The following ADK variants were observed in gnomAD, a reference collection of about 807,000 sequenced individuals.
The protein encoded by ADK is adenosine kinase, also known as N6,N6-dimethyladenosine kinase.
Under a neutral mutation model 44.7 loss-of-function variants are expected in ADK, and 24 were observed. That is an observed-to-expected ratio of 0.54 (90% CI 0.39 to 0.76). ADK has a LOEUF of 0.76. Among genes scored for constraint, ADK ranks in the 30% least tolerant of loss-of-function variants. ADK has a pLI of 0.00. For missense variants in ADK, 321 were observed against 425.1 expected (o/e 0.76, Z 2.15); for synonymous variants, 128 against 142.6 (o/e 0.90, Z 0.73).
At chr10:74,375,033 G>A (rs1003708802) in intron 4 of ADK, among the ~76,000 whole-genome samples, 1 of 152,054 alleles carries the variant, frequency 6.6e-6, no homozygotes, top group African/African-American at 2.4e-5. Context: ...TATAATAAGA[G>A]TCTCTTGGAT....
At chr10:74,409,324 G>T (rs1347978860) in intron 6 of ADK, among the ~76,000 whole-genome samples, 1 of 152,006 alleles carries the variant, frequency 6.6e-6, no homozygotes, top group African/African-American at 2.4e-5. Flanking sequence ...TAAACTTTAG[G>T]TATTAAAAAG....
intron 9 of ADK, among the ~76,000 whole-genome samples, chr10:74,646,998 G>A (rs1854075236): frequency 6.6e-6 from 1 of 151,758 alleles, no homozygotes; most frequent in African/African-American, 2.4e-5. Flanking sequence ...TTAATTTGTG[G>A]TTAGAGTCTC....
chr10:74,695,277 T>C (rs1856134930), intron 10 of ADK, among the ~76,000 whole-genome samples: 2 of 152,204 alleles, frequency 1.3e-5, no homozygotes, highest in Non-Finnish European at 2.9e-5. Context: ...CCAAAAACAT[T>C]GTTGAGACTG....
intron 3 of ADK, among the ~76,000 whole-genome samples, chr10:74,285,915 T>G (rs1199793277): frequency 6.6e-6 from 1 of 152,196 alleles, no homozygotes; most frequent in African/African-American, 2.4e-5. Context: ...GTACTATGTA[T>G]TATTGTTAAT....
chr10:74,516,554 C>T (rs536943673), intron 6 of ADK, among the ~76,000 whole-genome samples: 19 of 149,540 alleles, frequency 1.3e-4, no homozygotes, highest in Non-Finnish European at 1.9e-4. Flanking sequence ...GATGGAGTCG[C>T]GCCCTGTTGC....
At position 74,280,415 on chromosome 10, in the gene ADK, A is replaced by AACACACACACACACACACACACACAC. The variant is rs71021599; in HGVS notation, c.195-34245_195-34220dup. Among the ~76,000 whole-genome samples, 1,310 of 144,348 alleles carry AACACACACACACACACACACACACAC rather than the reference A, an allele frequency of 9.1e-3. 14 individuals carry two copies. The highest frequency in any genetic ancestry group is 0.011 in the Admixed American group (164 of 14,300). 94.7% of individuals were successfully genotyped at this position (144,348 alleles called of 152,430 possible). ...CCGCGCCCGGCCTTAAACAAGTTTAAACACACACACACACACACACACACA... is the reference window on the plus strand; with the variant it reads ...CCGCGCCCGGCCTTAAACAAGTTTAAACACACACACACACACACACACACACACACACACACACACACACACACACA... On this transcript the variant is annotated intron_variant, in intron 3 of 10. Transcript: ENST00000539909.
intron 2 of ADK, among the ~76,000 whole-genome samples, chr10:74,223,815 A>T (rs1844418795): frequency 6.6e-6 from 1 of 152,164 alleles, no homozygotes; most frequent in Non-Finnish European, 1.5e-5. Flanking sequence ...GAGGCCGGGT[A>T]CGGTGACTCA....
At chr10:74,639,246 G>A in intron 9 of ADK, among the ~76,000 whole-genome samples, 1 of 152,190 alleles carries the variant, frequency 6.6e-6, no homozygotes, top group South Asian at 2.1e-4. Flanking sequence ...TTGATACTTA[G>A]GGTGTAGTCA....
Position 74,665,272 on chromosome 10 carries a change from T to C in ADK, c.878-4911T>C, listed in dbSNP as rs183442251. 2.6e-3 allele frequency among the ~76,000 whole-genome samples: 403 copies of C among 152,354 alleles called. 1 individual carries two copies. The highest frequency in any genetic ancestry group is 5.1e-3 in the Non-Finnish European group (349 of 68,028). Reference sequence around the variant, plus strand: ...AACAAACAAAAACATTTTAATACTATGGATATTACCTTATTATAAGCAATG... The same window carrying C: ...AACAAACAAAAACATTTTAATACTACGGATATTACCTTATTATAAGCAATG... On this transcript the variant is annotated intron_variant, in intron 9 of 10. Transcript: ENST00000539909.
intron 7 of ADK, among the ~76,000 whole-genome samples, chr10:74,525,962 T>A (rs921042111): frequency 8.5e-5 from 13 of 152,062 alleles, no homozygotes; most frequent in African/African-American, 2.9e-4. Context: ...GCCCAACATT[T>A]ATTTTTTTAA....
intron 1 of ADK, among the ~76,000 whole-genome samples, chr10:74,170,534 C>T (rs913943515): frequency 1.3e-5 from 2 of 151,970 alleles, no homozygotes; most frequent in Admixed American, 1.3e-4. Context: ...CACGGTGGCT[C>T]ACGCCTGTAA....
Position 74,697,933 on chromosome 10 carries a change from C to G in ADK, c.965-10388C>G, listed in dbSNP as rs773865914. On this transcript the variant is annotated intron_variant, in intron 10 of 10. Transcript: ENST00000539909. ...ATGTTTCAGGTCTCATGTCAAATAC[C>G]AGATACAATTTGTCAATTTATTGAT... Among the ~76,000 whole-genome samples, 270 of 152,120 alleles carry G rather than the reference C, an allele frequency of 1.8e-3. 3 individuals are homozygous for G. Among genetic ancestry groups the G allele is most frequent in the Non-Finnish European group, 4.1e-4 (28 of 68,030 alleles).
chr10:74,564,010 A>G (rs945514811), intron 7 of ADK, among the ~76,000 whole-genome samples: 42 of 152,070 alleles, frequency 2.8e-4, no homozygotes, highest in Non-Finnish European at 5.3e-4. Flanking sequence ...GTCATCTAGC[A>G]TTAGGTATAT....
chr10:74,533,555 G>C (rs1436364646), intron 7 of ADK, among the ~76,000 whole-genome samples: 1 of 152,132 alleles, frequency 6.6e-6, no homozygotes, highest in African/African-American at 2.4e-5. Context: ...AGTCGTTCTG[G>C]AGCAATTAAA....
intron 6 of ADK, among the ~76,000 whole-genome samples, chr10:74,410,053 A>T (rs1022550735): frequency 6.6e-6 from 1 of 152,158 alleles, no homozygotes; most frequent in Non-Finnish European, 1.5e-5. Flanking sequence ...CTAAGAAATC[A>T]TATGTTTGAA....
At chr10:74,198,912 A>G (rs1407921766) in intron 1 of ADK, among the ~76,000 whole-genome samples, 1 of 152,246 alleles carries the variant, frequency 6.6e-6, no homozygotes, top group Non-Finnish European at 1.5e-5. Context: ...TATATATAAC[A>G]TACAAGTATA....
chr10:74,676,666 C>T (rs1855405289), intron 10 of ADK, among the ~76,000 whole-genome samples: 1 of 152,090 alleles, frequency 6.6e-6, no homozygotes, highest in Non-Finnish European at 1.5e-5. Context: ...ACTCTGTTAC[C>T]CAGTCTGGTC....
chr10:74,307,537 A>G (rs1840299202), intron 3 of ADK, among the ~76,000 whole-genome samples: 1 of 152,142 alleles, frequency 6.6e-6, no homozygotes, highest in Non-Finnish European at 1.5e-5. Flanking sequence ...TGGCCTTCCT[A>G]GGTGTCATCA....
intron 7 of ADK, among the ~76,000 whole-genome samples, chr10:74,534,537 C>T (rs1849389632): frequency 6.6e-6 from 1 of 152,138 alleles, no homozygotes; most frequent in Non-Finnish European, 1.5e-5. Context: ...ATTATCATAA[C>T]CTACCATTGA....
Sources: gnomAD v4.1 joint callset for allele counts (sites outside exome capture counted in the v4.1 genomes callset) on GRCh38, gnomAD v4.1.1 for gene constraint, MANE v1.5 for transcripts, NCBI Gene and HGNC (gene_info 2026-07-23, HGNC 2026-07-21) for gene names.